Variants in SV2C observed in about 807,000 individuals in gnomAD.
The protein encoded by SV2C is synaptic vesicle glycoprotein 2C.
A neutral mutation model predicts 79.7 loss-of-function variants in SV2C; 49 were observed. That is an observed-to-expected ratio of 0.61 (90% CI 0.49 to 0.78). SV2C has a LOEUF of 0.78. Among genes scored for constraint, SV2C ranks in the 30% least tolerant of loss-of-function variants. SV2C has a pLI of 0.00. For missense variants in SV2C, 833 were observed against 912.9 expected, an observed-to-expected ratio of 0.91 and a Z score of 1.13; for synonymous variants, 334 against 333.2, an observed-to-expected ratio of 1.00 and a Z score of -0.03.
At chr5:76,013,538 C>A in the SV2C span, among the ~76,000 whole-genome samples, 1 of 152,156 alleles carries the variant, frequency 6.6e-6, no homozygotes, top group African/African-American at 2.4e-5. Context: ...AATATACAAT[C>A]ATGTCATCTG....
At chr5:76,121,047 A>G in intron 1 of SV2C, among the ~76,000 whole-genome samples, 1 of 149,562 alleles carries the variant, frequency 6.7e-6, no homozygotes, top group African/African-American at 2.5e-5. Context: ...CTGACTTTTT[A>G]ATGATTGCCA....
the SV2C span, among the ~76,000 whole-genome samples, chr5:75,971,430 C>A: frequency 6.6e-6 from 1 of 152,042 alleles, no homozygotes; most frequent in Non-Finnish European, 1.5e-5. Context: ...AAAACCCCAT[C>A]GTCTCAGCCC....
the SV2C span, among the ~76,000 whole-genome samples, chr5:75,942,058 G>A: frequency 2.0e-5 from 3 of 152,092 alleles, no homozygotes; most frequent in Non-Finnish European, 2.9e-5. Context: ...TCTATAAAAG[G>A]CCCAAGAGGA....
intron 1 of SV2C, among the ~76,000 whole-genome samples, chr5:76,112,622 C>T (rs1748129653): frequency 6.6e-6 from 1 of 152,114 alleles, no homozygotes; most frequent in Non-Finnish European, 1.5e-5. Flanking sequence ...TGAGGAATGC[C>T]AAGAGGGAGG....
At chr5:76,174,045 C>T (rs375712464) in intron 2 of SV2C, 18 of 1,572,374 alleles carry the variant, frequency 1.1e-5, no homozygotes, top group Non-Finnish European at 1.5e-5. Context: ...TGTTGTGCAT[C>T]TACTTCAACT....
At chr5:76,258,715 A>AAAG (rs1746374723) in intron 4 of SV2C, among the ~76,000 whole-genome samples, 1 of 152,148 alleles carries the variant, frequency 6.6e-6, no homozygotes, top group Non-Finnish European at 1.5e-5. Context: ...AAAATGCAAG[A>AAAG]ATCTTAAGTG....
In SV2C at chr5:76,291,249, T is replaced by G; in HGVS notation, c.1166T>G (p.Ile389Arg). 6.2e-7 allele frequency: 1 copy of G among 1,612,406 alleles called. No homozygotes were observed. The highest frequency in any genetic ancestry group is 8.5e-7 in the Non-Finnish European group (1 of 1,179,368). The change falls in exon 7 of 13, where the codon ATA (isoleucine) becomes AGA (arginine). Residue 389 changes from isoleucine to arginine, a missense_variant. Physicochemically the swap from Ile to Arg is moderately conservative, Grantham distance 97. Transcript: ENST00000502798. Reference protein sequence around the residue: ...TVNKIKTPKQIDELIEIESDT... With the variant: ...TVNKIKTPKQRDELIEIESDT... The stretch of plus-strand genomic sequence containing the variant: ...AACAAAATAAAAACTCCTAAACAAA[T>G]AGATGAGCTGATTGAAATTGAGAGT...
chr5:76,127,352 C>T (rs188113545), intron 1 of SV2C, among the ~76,000 whole-genome samples: 1 of 152,232 alleles, frequency 6.6e-6, no homozygotes, highest in East Asian at 1.9e-4. Context: ...CTGTGTTTTG[C>T]CAGAATAATG....
chr5:76,340,581 T>C (rs551294246), intron 12 of SV2C, among the ~76,000 whole-genome samples: 1 of 152,258 alleles, frequency 6.6e-6, no homozygotes, highest in Admixed American at 6.5e-5. Context: ...GGCACACTAA[T>C]ATATCCCACC....
chr5:76,073,535 ATATAT>A, the SV2C span, among the ~76,000 whole-genome samples: 1 of 134,808 alleles, frequency 7.4e-6, no homozygotes, highest in Non-Finnish European at 1.6e-5. Flanking sequence ...ATATATATAT[ATATAT>A]ATATACACCA....
In SV2C at chr5:76,242,257, A is replaced by G. The variant is rs149742761; in HGVS notation, c.913+32370A>G. ...GTGGTTCGTCCTTCACCTTGGCTTT[A>G]TCTCCCTTAGCATCCCCTTCAGCCT... On this transcript the variant is annotated intron_variant, in intron 4 of 12. Transcript: ENST00000502798. The G allele has an allele frequency of 2.1e-3, 2,410 of 1,124,780 alleles. 77 individuals carry two copies. In the East Asian group the frequency reaches 0.053, roughly 25 times the overall value. 69.7% of individuals were successfully genotyped at this position (1,124,780 alleles called of 1,614,324 possible).
intron 4 of SV2C, among the ~76,000 whole-genome samples, chr5:76,253,385 G>C (rs867088949): frequency 2.0e-5 from 3 of 152,024 alleles, no homozygotes. Flanking sequence ...TCGGTCTCCC[G>C]GGCTCAAGCG....
chr5:75,962,067 CACA>C, the SV2C span, among the ~76,000 whole-genome samples: 40 of 152,236 alleles, frequency 2.6e-4, no homozygotes, highest in African/African-American at 8.9e-4. Flanking sequence ...TGGCACTGGA[CACA>C]GTCACCTCTT....
chr5:76,033,553 G>A, the SV2C span, among the ~76,000 whole-genome samples: 1 of 152,186 alleles, frequency 6.6e-6, no homozygotes, highest in Non-Finnish European at 1.5e-5. Flanking sequence ...AGATCAGATA[G>A]TTGTAGATAT....
intron 2 of SV2C, among the ~76,000 whole-genome samples, chr5:76,169,744 C>T (rs1003760775): frequency 3.3e-5 from 5 of 152,094 alleles, no homozygotes; most frequent in African/African-American, 1.2e-4. Flanking sequence ...AACAATAGCA[C>T]GTGGAATTTG....
chr5:75,994,936 A>G, the SV2C span, among the ~76,000 whole-genome samples: 197 of 152,294 alleles, frequency 1.3e-3, 2 homozygotes, highest in South Asian at 8.1e-3. Flanking sequence ...AGGGGAATCA[A>G]TGGTGTAGCT....
At chr5:76,350,300 C>G (rs766981424) in intron 12 of SV2C, among the ~76,000 whole-genome samples, 11 of 152,224 alleles carry the variant, frequency 7.2e-5, no homozygotes, top group Non-Finnish European at 1.3e-4. Context: ...CCCAGAGAAG[C>G]AAAGGGCCAG....
chr5:75,854,949 A>G, the SV2C span, among the ~76,000 whole-genome samples: 1 of 152,190 alleles, frequency 6.6e-6, no homozygotes, highest in Non-Finnish European at 1.5e-5. Flanking sequence ...AAGTTGTTCC[A>G]GAACCATTTC....
chr5:75,874,840 C>G, the SV2C span, among the ~76,000 whole-genome samples: 1 of 152,096 alleles, frequency 6.6e-6, no homozygotes, highest in Admixed American at 6.6e-5. Context: ...CCTAGGAATA[C>G]AGCTAACCAG....
Sources: gnomAD v4.1 joint callset for allele counts (sites outside exome capture counted in the v4.1 genomes callset) on GRCh38, gnomAD v4.1.1 for gene constraint, MANE v1.5 for transcripts, NCBI Gene and HGNC (gene_info 2026-07-23, HGNC 2026-07-21) for gene names.